Variants in SNTG1 observed in about 807,000 individuals in gnomAD.
The protein encoded by SNTG1 is syntrophin gamma 1, also known as gamma-1-syntrophin.
A neutral mutation model predicts 74.7 loss-of-function variants in SNTG1; 39 were observed. The ratio of observed to expected loss-of-function variants is 0.52; its 90% CI spans 0.40 to 0.68. The LOEUF (loss-of-function observed/expected upper bound fraction) is 0.68. SNTG1 is among the 30% of genes least tolerant of loss of function. The pLI is 0.00. For synonymous variants in SNTG1, 254 were observed against 217.1 expected (o/e 1.17, Z -1.49); for missense variants, 685 against 609.5 (o/e 1.12, Z -1.30).
chr8:49,918,261 G>T (rs1204722395), intron 1 of SNTG1, among the ~76,000 whole-genome samples: 1 of 152,014 alleles, frequency 6.6e-6, no homozygotes, highest in Admixed American at 6.6e-5. Context: ...AAGTTTTGTG[G>T]GGAAAAATTA....
At chr8:50,011,377 CCA>C (rs1171526912) in intron 1 of SNTG1, among the ~76,000 whole-genome samples, 1 of 151,972 alleles carries the variant, frequency 6.6e-6, no homozygotes, top group African/African-American at 2.4e-5. Context: ...TATTGTTAGC[CCA>C]ATGCAGGGAG....
At chr8:50,033,917 C>A (rs1817943033) in intron 1 of SNTG1, among the ~76,000 whole-genome samples, 1 of 152,126 alleles carries the variant, frequency 6.6e-6, no homozygotes, top group African/African-American at 2.4e-5. Flanking sequence ...ATCTCTTGAA[C>A]TGATTTGTTA....
chr8:50,198,211 G>C (rs1285037336), intron 2 of SNTG1, among the ~76,000 whole-genome samples: 1 of 152,156 alleles, frequency 6.6e-6, no homozygotes, highest in Non-Finnish European at 1.5e-5. Context: ...AACAGCATCT[G>C]ATTGGGAGGG....
At chr8:50,150,812 T>C (rs1253580055) in intron 1 of SNTG1, among the ~76,000 whole-genome samples, 24 of 152,276 alleles carry the variant, frequency 1.6e-4, no homozygotes, top group African/African-American at 5.3e-4. Flanking sequence ...ATTCGGTTTG[T>C]CAGTATTTTA....
At chr8:50,770,924 A>C (rs1459335145) in intron 18 of SNTG1, among the ~76,000 whole-genome samples, 1 of 152,134 alleles carries the variant, frequency 6.6e-6, no homozygotes, top group African/African-American at 2.4e-5. Flanking sequence ...AACCTAAGGC[A>C]GTCACCAGAT....
intron 16 of SNTG1, among the ~76,000 whole-genome samples, chr8:50,705,210 C>T (rs2095439367): frequency 6.6e-6 from 1 of 152,188 alleles, no homozygotes; most frequent in Non-Finnish European, 1.5e-5. Context: ...CATCCAGGAA[C>T]ATGTCCCTGA....
At chr8:50,431,244 AG>A (rs1166934823) in intron 4 of SNTG1, among the ~76,000 whole-genome samples, 1 of 152,300 alleles carries the variant, frequency 6.6e-6, no homozygotes, top group African/African-American at 2.4e-5. Flanking sequence ...CATATAGAAT[AG>A]TTTCCTTAAC....
chr8:50,652,536 C>A (rs2095153723), intron 13 of SNTG1, among the ~76,000 whole-genome samples: 1 of 152,056 alleles, frequency 6.6e-6, no homozygotes, highest in Non-Finnish European at 1.5e-5. Flanking sequence ...GTGGCTCAAA[C>A]CTGTAATCTT....
At chr8:50,407,726 C>T (rs1277604629) in intron 4 of SNTG1, among the ~76,000 whole-genome samples, 1 of 152,152 alleles carries the variant, frequency 6.6e-6, no homozygotes, top group Non-Finnish European at 1.5e-5. Flanking sequence ...TTAATACTTG[C>T]AAGGCAGTGA....
At chr8:50,351,816 G>T (rs892987027) in intron 2 of SNTG1, among the ~76,000 whole-genome samples, 1 of 152,252 alleles carries the variant, frequency 6.6e-6, no homozygotes, top group Admixed American at 6.5e-5. Context: ...TTAAAAAGTT[G>T]TGGCTAAAGT....
At chr8:50,511,943 T>G (rs2094081025) in intron 9 of SNTG1, among the ~76,000 whole-genome samples, 1 of 152,182 alleles carries the variant, frequency 6.6e-6, no homozygotes, top group South Asian at 2.1e-4. Context: ...TGTGTGTGGA[T>G]TTCATCCTGT....
intron 1 of SNTG1, among the ~76,000 whole-genome samples, chr8:50,029,179 C>T (rs928555191): frequency 1.3e-5 from 2 of 151,604 alleles, no homozygotes; most frequent in African/African-American, 4.8e-5. Flanking sequence ...AGTCTTTTTA[C>T]ATTTGTTTTA....
chr8:50,213,439 A>T (rs2084620068), intron 2 of SNTG1, among the ~76,000 whole-genome samples: 2 of 152,228 alleles, frequency 1.3e-5, no homozygotes, highest in South Asian at 2.1e-4. Context: ...GTTTTCTGGC[A>T]TATGAATAAA....
chr8:50,304,747 T>A lies in SNTG1; in HGVS notation c.-27-89465T>A, dbSNP rs558026209. 7.9e-5 allele frequency among the ~76,000 whole-genome samples: 12 copies of A among 152,344 alleles called. No homozygotes were observed. In the South Asian group the frequency reaches 2.5e-3, roughly 32 times the overall value. On this transcript the variant is annotated intron_variant, in intron 2 of 18. Coordinates refer to ENST00000642720, the MANE Select transcript of SNTG1 (RefSeq NM_018967.5). Reference sequence around the variant, plus strand: ...TAGCTTTTTCATACTATACTCTGTCTAATATAGCCATCATTTCATGATGAT... The same window carrying A: ...TAGCTTTTTCATACTATACTCTGTCAAATATAGCCATCATTTCATGATGAT...
chr8:50,101,991 C>A (rs1341439989), intron 1 of SNTG1, among the ~76,000 whole-genome samples: 1 of 151,598 alleles, frequency 6.6e-6, no homozygotes, highest in East Asian at 1.9e-4. Context: ...CAAGTCTTTG[C>A]TATTGTGAAT....
chr8:49,949,952 C>A (rs559790197), intron 1 of SNTG1, among the ~76,000 whole-genome samples: 1 of 152,108 alleles, frequency 6.6e-6, no homozygotes, highest in Admixed American at 6.5e-5. Context: ...CATGGTGAAA[C>A]CTCATCTCTA....
At chr8:50,303,141 A>C (rs1021319069) in intron 2 of SNTG1, among the ~76,000 whole-genome samples, 1 of 152,196 alleles carries the variant, frequency 6.6e-6, no homozygotes, top group Non-Finnish European at 1.5e-5. Flanking sequence ...ATACGTTAGT[A>C]GCATTTCTAT....
intron 17 of SNTG1, among the ~76,000 whole-genome samples, chr8:50,712,626 G>A (rs1379653848): frequency 2.6e-5 from 4 of 151,892 alleles, no homozygotes; most frequent in Non-Finnish European, 1.5e-5. Flanking sequence ...ACCTGCATTA[G>A]GTATTTGACC....
At chr8:50,534,760 G>A (rs2094295492) in intron 10 of SNTG1, among the ~76,000 whole-genome samples, 1 of 152,122 alleles carries the variant, frequency 6.6e-6, no homozygotes. Flanking sequence ...AAGTGATAGA[G>A]TGAGACCCTG....
Sources: gnomAD v4.1 joint callset for allele counts (sites outside exome capture counted in the v4.1 genomes callset) on GRCh38, gnomAD v4.1.1 for gene constraint, MANE v1.5 for transcripts, NCBI Gene and HGNC (gene_info 2026-07-23, HGNC 2026-07-21) for gene names.